Variants in GALNT13 observed in about 807,000 individuals in gnomAD.
GALNT13 encodes UDP-GalNAc:polypeptide N-acetylgalactosaminyltransferase 13.
A neutral mutation model predicts 64.2 loss-of-function variants in GALNT13; 28 were observed. The ratio of observed to expected loss-of-function variants is 0.44; its 90% CI spans 0.32 to 0.60. The LOEUF (loss-of-function observed/expected upper bound fraction) is 0.60. GALNT13 is among the 20% of genes least tolerant of loss of function. GALNT13 has a pLI of 0.05. For missense variants in GALNT13, 577 were observed against 669.8 expected (o/e 0.86, Z 1.53); for synonymous variants, 214 against 224.6 (o/e 0.95, Z 0.42).
At chr2:153,615,800 T>G in the GALNT13 span, among the ~76,000 whole-genome samples, 22 of 152,188 alleles carry the variant, frequency 1.4e-4, no homozygotes, top group South Asian at 4.6e-3. Flanking sequence ...TTTTTTTCTA[T>G]AGAGTTGTTT....
At chr2:154,071,991 T>A (rs961828396) in intron 3 of GALNT13, among the ~76,000 whole-genome samples, 2 of 152,090 alleles carry the variant, frequency 1.3e-5, no homozygotes, top group African/African-American at 4.8e-5. Flanking sequence ...TGCTTTTGGC[T>A]GTGAGTTCAA....
the GALNT13 span, among the ~76,000 whole-genome samples, chr2:153,821,079 C>T: frequency 6.6e-6 from 1 of 152,046 alleles, no homozygotes; most frequent in Non-Finnish European, 1.5e-5. Flanking sequence ...CATTGGAGCA[C>T]CCAGATTCTT....
the GALNT13 span, among the ~76,000 whole-genome samples, chr2:153,828,034 C>A: frequency 1.3e-5 from 2 of 152,204 alleles, no homozygotes; most frequent in East Asian, 1.9e-4. Context: ...AGTCTCACAT[C>A]CAGGTCACGC....
the GALNT13 span, among the ~76,000 whole-genome samples, chr2:153,078,078 A>C: frequency 6.6e-6 from 1 of 151,060 alleles, no homozygotes; most frequent in East Asian, 1.9e-4. Flanking sequence ...CTTTCCTTCT[A>C]CCCTACTTTC....
At chr2:153,292,032 CTA>C in the GALNT13 span, among the ~76,000 whole-genome samples, 2 of 152,214 alleles carry the variant, frequency 1.3e-5, no homozygotes. Context: ...CATAACAAAA[CTA>C]TCTTTGATTT....
chr2:153,324,912 A>G, the GALNT13 span, among the ~76,000 whole-genome samples: 1 of 152,164 alleles, frequency 6.6e-6, no homozygotes, highest in East Asian at 1.9e-4. Context: ...TTTTGCAAAA[A>G]TGTTCATCAG....
At chr2:153,315,143 A>G in the GALNT13 span, among the ~76,000 whole-genome samples, 1,095 of 152,356 alleles carry the variant, frequency 7.2e-3, 12 homozygotes, top group African/African-American at 0.025. Context: ...TTTTCTACTT[A>G]TAAATCATCA....
chr2:153,285,241 C>T, the GALNT13 span, among the ~76,000 whole-genome samples: 2 of 152,026 alleles, frequency 1.3e-5, no homozygotes, highest in African/African-American at 4.8e-5. Flanking sequence ...GGAAACTGCC[C>T]CCATGGTCCA....
At chr2:153,509,544 A>G in the GALNT13 span, among the ~76,000 whole-genome samples, 2 of 152,394 alleles carry the variant, frequency 1.3e-5, no homozygotes, top group East Asian at 3.9e-4. Context: ...TGAAATGTTT[A>G]AAGAAATGTT....
intron 2 of GALNT13, among the ~76,000 whole-genome samples, chr2:153,922,706 G>T (rs1033886902): frequency 6.6e-6 from 1 of 151,736 alleles, no homozygotes; most frequent in Non-Finnish European, 1.5e-5. Flanking sequence ...ATCATGTTTC[G>T]CACAGCTAAC....
the GALNT13 span, among the ~76,000 whole-genome samples, chr2:153,095,739 G>C: frequency 6.6e-6 from 1 of 152,100 alleles, no homozygotes; most frequent in Non-Finnish European, 1.5e-5. Context: ...GCTTTGTAGG[G>C]ACCTGGATGA....
chr2:153,712,919 C>G, the GALNT13 span, among the ~76,000 whole-genome samples: 19 of 152,166 alleles, frequency 1.2e-4, no homozygotes, highest in African/African-American at 4.6e-4. Context: ...CATACCCTGC[C>G]CCACCGGGGA....
rs1701913381 is a variant in GALNT13 at position 154,452,600 on chromosome 2, T to C, written c.*2049T>C. On this transcript the variant is annotated 3_prime_UTR_variant, in exon 13 of 13. Transcript: ENST00000392825. ...TACAGCTACCCCATCAAAGCTGAAC[T>C]TGAAACGTTTTAGCAGAATTTTAAA... The C allele has an allele frequency of 6.6e-6, 1 of 152,166 alleles. No individual in the cohort carries two copies. Among genetic ancestry groups the C allele is most frequent in the Non-Finnish European group, 1.5e-5 (1 of 68,034 alleles). The allele number at this position is 152,166 out of a possible 1,614,324, so 9.4% of individuals were successfully genotyped here. A position where few individuals can be genotyped will look rare whatever the true frequency, so the allele number is the denominator to read the frequency against.
chr2:153,110,960 A>G, the GALNT13 span, among the ~76,000 whole-genome samples: 1 of 152,078 alleles, frequency 6.6e-6, no homozygotes, highest in African/African-American at 2.4e-5. Context: ...TATGTGTGCA[A>G]ATGATTTTGA....
intron 3 of GALNT13, among the ~76,000 whole-genome samples, chr2:154,000,853 T>C (rs1695857834): frequency 1.3e-5 from 2 of 152,014 alleles, no homozygotes; most frequent in Admixed American, 1.3e-4. Flanking sequence ...GTTGATTTTC[T>C]ACCTGAATGA....
At chr2:153,660,569 ATAT>A in the GALNT13 span, among the ~76,000 whole-genome samples, 1 of 149,142 alleles carries the variant, frequency 6.7e-6, no homozygotes, top group African/African-American at 2.4e-5. Flanking sequence ...ATAATATATA[ATAT>A]TATGGAGGAT....
chr2:153,362,704 T>G, the GALNT13 span, among the ~76,000 whole-genome samples: 1 of 152,132 alleles, frequency 6.6e-6, no homozygotes, highest in African/African-American at 2.4e-5. Flanking sequence ...TAAATATATA[T>G]GCACCCAGTA....
intron 3 of GALNT13, among the ~76,000 whole-genome samples, chr2:154,116,885 A>G (rs894851237): frequency 6.6e-6 from 1 of 152,140 alleles, no homozygotes; most frequent in Non-Finnish European, 1.5e-5. Context: ...GAAAAGAACT[A>G]ATAAGATAGT....
chr2:154,355,323 A>G (rs565541666), intron 9 of GALNT13, among the ~76,000 whole-genome samples: 12 of 152,144 alleles, frequency 7.9e-5, no homozygotes, highest in Non-Finnish European at 1.8e-4. Context: ...GTTAAACCAC[A>G]TGACATGGCT....
Sources: gnomAD v4.1 joint callset for allele counts (sites outside exome capture counted in the v4.1 genomes callset) on GRCh38, gnomAD v4.1.1 for gene constraint, MANE v1.5 for transcripts, NCBI Gene and HGNC (gene_info 2026-07-23, HGNC 2026-07-21) for gene names.